The following TTC39B variants were observed in gnomAD, a reference collection of about 807,000 sequenced individuals.
TTC39B encodes the protein tetratricopeptide repeat domain 39B, also known as tetratricopeptide repeat protein 39B.
Under a neutral mutation model 96.6 loss-of-function variants are expected in TTC39B, and 92 were observed. The observed-to-expected ratio is 0.95, with a 90% CI of 0.80 to 1.13. The LOEUF (loss-of-function observed/expected upper bound fraction) is 1.13. Ranked by LOEUF, TTC39B falls within the 50% of genes most tolerant of loss-of-function variation. The probability of loss-of-function intolerance (pLI) is 0.00; values close to 1 mark genes in which losing one functional copy is unlikely to be tolerated. For synonymous variants in TTC39B, 367 were observed against 299.4 expected (o/e 1.23, Z -2.33); for missense variants, 955 against 809.3 (o/e 1.18, Z -2.18).
chr9:15,289,177 A>G (rs1393121944), intron 1 of TTC39B, among the ~76,000 whole-genome samples: 1 of 152,208 alleles, frequency 6.6e-6, no homozygotes, highest in Non-Finnish European at 1.5e-5. Flanking sequence ...CTCCAAAAGG[A>G]CATTTACCAG....
chr9:15,204,040 A>T (rs1819699278), intron 6 of TTC39B, 150 bp from the exon 7 acceptor site: 1 of 619,424 alleles, frequency 1.6e-6, no homozygotes, highest in South Asian at 2.5e-5. Context: ...TGGAATGATA[A>T]CCCCAGTTCT....
At chr9:15,240,503 T>C (rs954043670) in intron 2 of TTC39B, among the ~76,000 whole-genome samples, 9 of 152,204 alleles carry the variant, frequency 5.9e-5, no homozygotes, top group African/African-American at 1.7e-4. Context: ...TTCAATGTTT[T>C]TTTTTCAATT....
intron 6 of TTC39B, among the ~76,000 whole-genome samples, chr9:15,205,910 G>T (rs1819822651): frequency 6.6e-6 from 1 of 152,122 alleles, no homozygotes; most frequent in Non-Finnish European, 1.5e-5. Context: ...GTCAAGGGAG[G>T]AGACATCAAT....
At chr9:15,287,838 C>T (rs1359212151) in intron 1 of TTC39B, among the ~76,000 whole-genome samples, 2 of 149,190 alleles carry the variant, frequency 1.3e-5, no homozygotes, top group Non-Finnish European at 3.0e-5. Context: ...CCCAGCTACT[C>T]GGGAAGCTGA....
intron 1 of TTC39B, among the ~76,000 whole-genome samples, chr9:15,278,435 A>G (rs1823629589): frequency 6.6e-6 from 1 of 152,250 alleles, no homozygotes; most frequent in Non-Finnish European, 1.5e-5. Context: ...TCTCCTGTGC[A>G]TATTTCTAAG....
At chr9:15,246,416 T>C (rs1052872846) in intron 2 of TTC39B, among the ~76,000 whole-genome samples, 35 of 152,144 alleles carry the variant, frequency 2.3e-4, no homozygotes, top group Admixed American at 2.2e-3. Context: ...GTTTAAGGTG[T>C]ATGACTCAGC....
chr9:15,234,297 G>A (rs1466338525), intron 2 of TTC39B, among the ~76,000 whole-genome samples: 57 of 145,282 alleles, frequency 3.9e-4, no homozygotes, highest in East Asian at 1.4e-3. Flanking sequence ...CGCCCCATCC[G>A]GGAGGGAAGT....
At chr9:15,189,425 T>G in intron 13 of TTC39B, 149 bp downstream of exon 13, 1 of 678,724 alleles carries the variant, frequency 1.5e-6, no homozygotes, top group East Asian at 2.7e-5. Context: ...AAGTTAAAAG[T>G]TTTGGCTTTT....
At chr9:15,265,610 A>C (rs1310396644) in intron 2 of TTC39B, among the ~76,000 whole-genome samples, 1 of 152,246 alleles carries the variant, frequency 6.6e-6, no homozygotes, top group East Asian at 1.9e-4. Context: ...AAAATCACAT[A>C]AACAGATTAT....
intron 19 of TTC39B, 141 bp from the exon 20 acceptor site, chr9:15,172,250 T>G: frequency 4.2e-6 from 2 of 480,342 alleles, no homozygotes; most frequent in East Asian, 3.6e-5. Context: ...AAAATGCAGA[T>G]TCTGGTTCTG....
chr9:15,286,584 A>G (rs1005482536), intron 1 of TTC39B, among the ~76,000 whole-genome samples: 2 of 152,184 alleles, frequency 1.3e-5, no homozygotes, highest in Non-Finnish European at 2.9e-5. Context: ...ACTAATAAGA[A>G]GTCTCCGGTG....
intron 1 of TTC39B, among the ~76,000 whole-genome samples, chr9:15,287,860 G>A (rs112131317): frequency 3.2e-4 from 47 of 148,622 alleles, no homozygotes; most frequent in African/African-American, 1.1e-3. Context: ...GCAGGAGAAT[G>A]GCGTGAACCC....
At chr9:15,271,437 T>C (rs553994557) in intron 1 of TTC39B, among the ~76,000 whole-genome samples, 4 of 152,162 alleles carry the variant, frequency 2.6e-5, no homozygotes, top group Non-Finnish European at 5.9e-5. Context: ...CCACAGATGA[T>C]GGGGGACAGT....
At chr9:15,266,390 TA>T (rs1477483839) in intron 2 of TTC39B, among the ~76,000 whole-genome samples, 4 of 152,090 alleles carry the variant, frequency 2.6e-5, no homozygotes, top group African/African-American at 9.7e-5. Flanking sequence ...TTAAAGTCCA[TA>T]AGTATGTTAA....
intron 4 of TTC39B, 143 bp from the exon 5 acceptor site, chr9:15,211,540 T>C: frequency 2.7e-6 from 2 of 734,824 alleles, no homozygotes; most frequent in African/African-American, 1.8e-5. Context: ...TGGTGAAAAG[T>C]AACCTCTTAA....
At chr9:15,202,395 G>T (rs1200042446) in intron 7 of TTC39B, among the ~76,000 whole-genome samples, 1 of 152,138 alleles carries the variant, frequency 6.6e-6, no homozygotes, top group Non-Finnish European at 1.5e-5. Context: ...TCCAGGAAAA[G>T]AAAGAAGCAA....
intron 2 of TTC39B, among the ~76,000 whole-genome samples, chr9:15,262,477 A>C (rs1195713104): frequency 6.6e-6 from 1 of 152,212 alleles, no homozygotes; most frequent in East Asian, 1.9e-4. Flanking sequence ...CCAGTTCTAA[A>C]TGGTGGAGAT....
At chr9:15,287,344 C>G (rs1587011793) in intron 1 of TTC39B, among the ~76,000 whole-genome samples, 1 of 152,052 alleles carries the variant, frequency 6.6e-6, no homozygotes, top group Non-Finnish European at 1.5e-5. Context: ...AAAGAACTGC[C>G]AAAATTAAGA....
chr9:15,192,487 C>T (rs994148714), intron 9 of TTC39B, 103 bp downstream of exon 9: 22 of 865,700 alleles, frequency 2.5e-5, no homozygotes, highest in Non-Finnish European at 3.8e-5. Flanking sequence ...TGTCAACCAA[C>T]CCAAGGAAAG....
Sources: allele counts gnomAD v4.1 joint callset (sites outside exome capture counted in the v4.1 genomes callset), GRCh38; gene constraint gnomAD v4.1.1; transcripts MANE v1.5; gene names NCBI Gene and HGNC (gene_info 2026-07-23, HGNC 2026-07-21).